B4GALT1: variants seen among roughly 807,000 people sequenced by gnomAD.
B4GALT1 encodes beta-1,4-galactosyltransferase 1, also known as N-acetyllactosamine synthase.
In B4GALT1, 16 loss-of-function variants were observed where a neutral mutation model predicts 34.9. The observed-to-expected ratio is 0.46, with a 90% confidence interval of 0.31 to 0.70. The LOEUF (loss-of-function observed/expected upper bound fraction) is 0.70. Among genes scored for constraint, B4GALT1 ranks in the 30% least tolerant of loss-of-function variants. The pLI, the probability that B4GALT1 is intolerant of heterozygous loss-of-function variation, is 0.05. For missense variants in B4GALT1, 445 were observed against 530.5 expected (o/e 0.84, Z 1.58); for synonymous variants, 221 against 218.1 (o/e 1.01, Z -0.12).
At chr9:33,149,513 G>A (rs114786945) in intron 1 of B4GALT1, among the ~76,000 whole-genome samples, 1 of 152,188 alleles carries the variant, frequency 6.6e-6, no homozygotes, top group African/African-American at 2.4e-5. Flanking sequence ...TCAAACTTCT[G>A]ACCTCAAGCA....
chr9:33,139,989 G>A (rs1270773159), intron 1 of B4GALT1, among the ~76,000 whole-genome samples: 4 of 152,252 alleles, frequency 2.6e-5, no homozygotes, highest in African/African-American at 4.8e-5. Context: ...TGGGCCTCTC[G>A]GCTGGGAGTC....
chr9:33,168,097 G>GC (rs1216881834), upstream of B4GALT1, among the ~76,000 whole-genome samples: 5 of 152,170 alleles, frequency 3.3e-5, no homozygotes, highest in South Asian at 2.1e-4. Flanking sequence ...AGATCAGCCG[G>GC]CGTTACAGTC....
chr9:33,172,075 T>G (rs1479545789), upstream of B4GALT1, among the ~76,000 whole-genome samples: 1 of 152,222 alleles, frequency 6.6e-6, no homozygotes, highest in Admixed American at 6.5e-5. Context: ...AAGCACTCAC[T>G]GCCCAATGTT....
intron 1 of B4GALT1, among the ~76,000 whole-genome samples, chr9:33,144,701 T>A (rs1285676312): frequency 6.6e-6 from 1 of 152,206 alleles, no homozygotes; most frequent in Non-Finnish European, 1.5e-5. Context: ...CCTCTCGGGA[T>A]CAATCAGTCC....
At chr9:33,163,024 A>C (rs1164430108) in intron 1 of B4GALT1, among the ~76,000 whole-genome samples, 1 of 152,168 alleles carries the variant, frequency 6.6e-6, no homozygotes, top group African/African-American at 2.4e-5. Flanking sequence ...TCTGAGCCTA[A>C]AGCTTCAACC....
At position 33,166,888 on chromosome 9, in the gene B4GALT1, C is replaced by A; in HGVS notation, c.282G>T (p.Pro94=). The change falls in exon 1 of 6, where the codon CCG becomes CCT. Residue 94 remains proline (P), a synonymous_variant. Coordinates refer to ENST00000379731, the MANE Select transcript of B4GALT1 (RefSeq NM_001497.4). ...PPPPLGASSQ[P]RPGGDSSPVV... ...CTGGGCTGGAGTCGCCACCCGGGCG[C>A]GGCTGGGAGGAGGCGCCTAGAGGAG... 1 of 1,578,856 alleles carries A rather than the reference C, an allele frequency of 6.3e-7. No individual in the cohort carries two copies. Among genetic ancestry groups the A allele is most frequent in the Non-Finnish European group, 8.6e-7 (1 of 1,169,290 alleles).
chr9:33,120,769 A>G (rs1272885735), intron 2 of B4GALT1, among the ~76,000 whole-genome samples, 163 bp from the exon 3 acceptor site: 5 of 152,350 alleles, frequency 3.3e-5, no homozygotes, highest in Middle Eastern at 3.4e-3. Context: ...AAAACCTCTG[A>G]GTCAGCAATT....
chr9:33,150,295 AAAAGT>A (rs1451862017), intron 1 of B4GALT1, among the ~76,000 whole-genome samples: 1 of 151,480 alleles, frequency 6.6e-6, no homozygotes, highest in East Asian at 1.9e-4. Flanking sequence ...GAGAGAAGGA[AAAAGT>A]AAATATAGTA....
At chr9:33,171,219 A>G (rs1348787309), upstream of B4GALT1, among the ~76,000 whole-genome samples, 2 of 152,218 alleles carry the variant, frequency 1.3e-5, no homozygotes, top group Non-Finnish European at 2.9e-5. Flanking sequence ...TTTGCCTCAC[A>G]TGGTGTCAGC....
chr9:33,171,384 T>TGGGTTTCC (rs994480839), upstream of B4GALT1, among the ~76,000 whole-genome samples: 2 of 152,218 alleles, frequency 1.3e-5, no homozygotes, highest in Non-Finnish European at 2.9e-5. Flanking sequence ...TGTGGCTGCT[T>TGGGTTTCC]GGGTTTCCTC....
the B4GALT1 span, among the ~76,000 whole-genome samples, chr9:33,180,717 A>G: frequency 6.6e-6 from 1 of 152,162 alleles, no homozygotes; most frequent in Non-Finnish European, 1.5e-5. Context: ...TGACCGAGCC[A>G]ATTCACATGC....
the B4GALT1 span, among the ~76,000 whole-genome samples, chr9:33,176,989 G>C: frequency 6.6e-6 from 1 of 152,098 alleles, no homozygotes; most frequent in Non-Finnish European, 1.5e-5. Context: ...TACGGGGAAG[G>C]TCTTAGAATT....
At position 33,133,415 on chromosome 9, in the gene B4GALT1, T is replaced by C. The variant is rs112495185; in HGVS notation, c.648+1774A>G. ...CTTATTAGTCATCCCTGCTGGCTCC[T>C]GGTGATGGTGGCCGCCTCTTCCAGG... On this transcript the variant is annotated intron_variant, in intron 2 of 5. Transcript: ENST00000379731. Among the ~76,000 whole-genome samples, 906 of 152,310 alleles carry C rather than the reference T, an allele frequency of 5.9e-3. 13 individuals carry two copies. Among genetic ancestry groups the C allele is most frequent in the African/African-American group, 0.021 (853 of 41,554 alleles).
chr9:33,181,189 G>A, the B4GALT1 span, among the ~76,000 whole-genome samples: 2 of 152,156 alleles, frequency 1.3e-5, no homozygotes, highest in African/African-American at 4.8e-5. Flanking sequence ...AGAGGCTGAG[G>A]CAGGAGCATT....
chr9:33,144,780 G>A (rs924137084), intron 1 of B4GALT1, among the ~76,000 whole-genome samples: 12 of 152,186 alleles, frequency 7.9e-5, no homozygotes, highest in South Asian at 2.1e-4. Context: ...GGCACCAGTC[G>A]ACCTGCCTGC....
At chr9:33,154,756 C>A (rs901183834) in intron 1 of B4GALT1, among the ~76,000 whole-genome samples, 1 of 152,098 alleles carries the variant, frequency 6.6e-6, no homozygotes, top group Non-Finnish European at 1.5e-5. Flanking sequence ...CATGTCCAAC[C>A]GATGGCCCAT....
At chr9:33,114,540 T>G (rs1244275754) in intron 4 of B4GALT1, among the ~76,000 whole-genome samples, 1 of 13,684 alleles carries the variant, frequency 7.3e-5, no homozygotes, top group Non-Finnish European at 6.4e-4. Context: ...CTTTTAGCCA[T>G]GGGGAAGTCT....
upstream of B4GALT1, chr9:33,167,374 G>A (rs1275162451): frequency 1.7e-5 from 10 of 579,444 alleles, no homozygotes; most frequent in South Asian, 7.6e-5. Context: ...GAGAGGGGAG[G>A]GGCGGGGCCC....
chr9:33,166,593 C>G (rs572439415), intron 1 of B4GALT1, among the ~76,000 whole-genome samples, 165 bp downstream of exon 1: 2 of 152,378 alleles, frequency 1.3e-5, no homozygotes, highest in Non-Finnish European at 2.9e-5. Context: ...CGCAAACCTT[C>G]TCTCCCATCC....
Sources: allele counts gnomAD v4.1 joint callset (sites outside exome capture counted in the v4.1 genomes callset), GRCh38; gene constraint gnomAD v4.1.1; transcripts MANE v1.5; gene names NCBI Gene and HGNC (gene_info 2026-07-23, HGNC 2026-07-21).